IL1RAPL1: variants seen among roughly 807,000 people sequenced by gnomAD.
The protein encoded by IL1RAPL1 is interleukin 1 receptor accessory protein like 1, also known as interleukin-1 receptor accessory protein-like 1.
In IL1RAPL1, 3 loss-of-function variants were observed where a neutral mutation model predicts 48.4. The observed-to-expected ratio is 0.06, with a 90% CI of 0.03 to 0.16. IL1RAPL1 has a LOEUF of 0.16. IL1RAPL1 is among the 10% of genes least tolerant of loss of function. The probability of loss-of-function intolerance (pLI) is 1.00; values close to 1 mark genes in which losing one functional copy is unlikely to be tolerated. For missense variants in IL1RAPL1, 349 were observed against 530.6 expected (o/e 0.66, Z 3.36); for synonymous variants, 185 against 187.7 (o/e 0.99, Z 0.12).
At chrX:29,908,907 CTAGT>C (rs950948435) in intron 6 of IL1RAPL1, among the ~76,000 whole-genome samples, 3 of 111,699 alleles carry the variant, frequency 2.7e-5, no homozygotes, top group African/African-American at 6.5e-5. Context: ...CAAATGTTAG[CTAGT>C]TAATCTGCTT....
intron 6 of IL1RAPL1, among the ~76,000 whole-genome samples, chrX:29,788,268 A>G (rs148357448): frequency 0.037 from 4,120 of 112,090 alleles, 162 homozygotes; most frequent in African/African-American, 0.13. Flanking sequence ...GTCAGTGAAC[A>G]AAAGAGACCT....
intron 2 of IL1RAPL1, among the ~76,000 whole-genome samples, chrX:28,901,183 C>G (rs1490608306): frequency 9.0e-6 from 1 of 111,450 alleles, no homozygotes; most frequent in Non-Finnish European, 1.9e-5. Flanking sequence ...GTGCTTAGGG[C>G]AAACACTAAC....
At chrX:29,852,917 T>G (rs949494489) in intron 6 of IL1RAPL1, among the ~76,000 whole-genome samples, 10 of 111,183 alleles carry the variant, frequency 9.0e-5, no homozygotes, top group Non-Finnish European at 7.5e-5. Flanking sequence ...GGCACAGAAT[T>G]AAGAAATCAT....
chrX:28,808,859 G>A (rs1936760364), intron 2 of IL1RAPL1, among the ~76,000 whole-genome samples: 1 of 110,367 alleles, frequency 9.1e-6, no homozygotes, highest in Admixed American at 9.7e-5. Context: ...GAGTCAATGG[G>A]TGAAATGCTT....
At chrX:29,710,743 A>G (rs1183456479) in intron 6 of IL1RAPL1, among the ~76,000 whole-genome samples, 1 of 106,948 alleles carries the variant, frequency 9.4e-6, no homozygotes, top group African/African-American at 3.4e-5. Context: ...AGATTACTAA[A>G]TTTATTTTAT....
intron 2 of IL1RAPL1, among the ~76,000 whole-genome samples, chrX:29,070,952 A>G (rs550798005): frequency 5.9e-4 from 66 of 111,795 alleles, no homozygotes; most frequent in African/African-American, 2.0e-3. Context: ...TATACAGAAT[A>G]TTACATATCT....
intron 1 of IL1RAPL1, among the ~76,000 whole-genome samples, chrX:28,780,253 G>T (rs1210983228): frequency 9.1e-6 from 1 of 109,428 alleles, no homozygotes; most frequent in Admixed American, 9.9e-5. Context: ...TTTCCTTAAA[G>T]TAGTATTAGG....
chrX:29,396,216 T>C (rs1199334465), intron 3 of IL1RAPL1, 42 bp from the exon 4 acceptor site: 1 of 1,102,662 alleles, frequency 9.1e-7, no homozygotes, highest in East Asian at 3.0e-5. Flanking sequence ...CACTTGCTTT[T>C]TGTTCACACC....
chrX:29,164,552 C>T (rs1929748635), intron 2 of IL1RAPL1, among the ~76,000 whole-genome samples: 1 of 111,381 alleles, frequency 9.0e-6, no homozygotes. Flanking sequence ...CAATATTTCA[C>T]TCATTCATGT....
intron 5 of IL1RAPL1, among the ~76,000 whole-genome samples, chrX:29,481,953 G>T (rs1263877399): frequency 1.8e-5 from 2 of 110,907 alleles, no homozygotes; most frequent in African/African-American, 3.3e-5. Flanking sequence ...TGAAGAGGGA[G>T]GAAAAGGAAA....
chrX:29,665,330 G>T (rs1418986420), intron 5 of IL1RAPL1, among the ~76,000 whole-genome samples: 1 of 112,416 alleles, frequency 8.9e-6, no homozygotes, highest in Non-Finnish European at 1.9e-5. Flanking sequence ...ATGGTCTAAT[G>T]CTAAGAACGT....
chrX:28,889,140 A>G (rs1922712887), intron 2 of IL1RAPL1, among the ~76,000 whole-genome samples: 1 of 111,657 alleles, frequency 9.0e-6, no homozygotes, highest in Non-Finnish European at 1.9e-5. Flanking sequence ...GATATAAAAT[A>G]CTATACTATT....
intron 5 of IL1RAPL1, among the ~76,000 whole-genome samples, chrX:29,597,351 C>A (rs929484537): frequency 9.1e-6 from 1 of 110,003 alleles, no homozygotes; most frequent in South Asian, 4.0e-4. Context: ...CGGGGTTTCT[C>A]CATGTTGGTC....
intron 1 of IL1RAPL1, among the ~76,000 whole-genome samples, chrX:28,671,431 T>C (rs1175474947): frequency 8.9e-6 from 1 of 111,946 alleles, no homozygotes; most frequent in Non-Finnish European, 1.9e-5. Flanking sequence ...ACTAGAGTTT[T>C]TCCCAGTTAG....
intron 2 of IL1RAPL1, among the ~76,000 whole-genome samples, chrX:29,165,153 T>C (rs750378037): frequency 3.6e-5 from 4 of 111,708 alleles, no homozygotes; most frequent in Non-Finnish European, 7.5e-5. Context: ...ACCTCATCTC[T>C]ACTAAAAATA....
At chrX:28,728,785 A>C (rs1160613715) in intron 1 of IL1RAPL1, among the ~76,000 whole-genome samples, 2 of 111,755 alleles carry the variant, frequency 1.8e-5, no homozygotes, top group African/African-American at 3.2e-5. Context: ...CTCATTATAT[A>C]GATGAAGAAG....
intron 6 of IL1RAPL1, among the ~76,000 whole-genome samples, chrX:29,869,497 G>A (rs1931760860): frequency 9.0e-6 from 1 of 111,499 alleles, no homozygotes; most frequent in Non-Finnish European, 1.9e-5. Context: ...GCCAAACCTT[G>A]TGAACTATGG....
Position 28,964,278 on chromosome X carries a change from G to A in IL1RAPL1, c.82+174853G>A, listed in dbSNP as rs73631632. ...TCCACTTTTAACATAAAGTATCTAC[G>A]CATATACAGACATATGTCTATTAAG... On this transcript the variant is annotated intron_variant, in intron 2 of 10. Coordinates refer to ENST00000378993, the MANE Select transcript of IL1RAPL1 (RefSeq NM_014271.4). Among the ~76,000 whole-genome samples the A allele has an allele frequency of 9.7e-3, 1,072 of 111,023 alleles. 13 individuals are homozygous for A. Among genetic ancestry groups the A allele is most frequent in the African/African-American group, 0.033 (1,010 of 30,634 alleles).
At chrX:28,844,707 T>C (rs899131988) in intron 2 of IL1RAPL1, among the ~76,000 whole-genome samples, 3 of 111,621 alleles carry the variant, frequency 2.7e-5, no homozygotes, top group Admixed American at 1.9e-4. Flanking sequence ...TTTATGTCTC[T>C]TGACATAAAA....
Sources: allele counts gnomAD v4.1 joint callset (sites outside exome capture counted in the v4.1 genomes callset), GRCh38; gene constraint gnomAD v4.1.1; transcripts MANE v1.5; gene names NCBI Gene and HGNC (gene_info 2026-07-23, HGNC 2026-07-21).